Variants in C10orf90 observed in about 807,000 individuals in gnomAD.
C10orf90 encodes the protein chromosome 10 open reading frame 90, also known as (E2-independent) E3 ubiquitin-conjugating enzyme FATS.
A neutral mutation model predicts 62.5 loss-of-function variants in C10orf90; 56 were observed. That is an observed-to-expected ratio of 0.90 (90% CI 0.72 to 1.12). The LOEUF (loss-of-function observed/expected upper bound fraction) is 1.12. C10orf90 is among the 50% of genes most tolerant of loss of function. The probability of loss-of-function intolerance (pLI) is 0.00; values close to 1 mark genes in which losing one functional copy is unlikely to be tolerated. For missense variants in C10orf90, 970 were observed against 880.4 expected (o/e 1.10, Z -1.29); for synonymous variants, 386 against 340.4 (o/e 1.13, Z -1.47).
intron 4 of C10orf90, among the ~76,000 whole-genome samples, chr10:126,480,441 C>G (rs1173323276): frequency 1.1e-4 from 16 of 152,214 alleles, no homozygotes; most frequent in Admixed American, 1.0e-3. Context: ...TGGTTCAGGG[C>G]ACTTTTCCCA....
intron 2 of C10orf90, among the ~76,000 whole-genome samples, chr10:126,645,787 A>C (rs1221362265): frequency 6.6e-6 from 1 of 152,200 alleles, no homozygotes; most frequent in African/African-American, 2.4e-5. Flanking sequence ...GTGTGCGTAC[A>C]TGTATACATA....
At chr10:126,638,411 G>A (rs557922264) in intron 2 of C10orf90, among the ~76,000 whole-genome samples, 2 of 152,126 alleles carry the variant, frequency 1.3e-5, no homozygotes, top group African/African-American at 4.8e-5. Flanking sequence ...CCTCTTGCCT[G>A]GTTGGTGTCC....
chr10:126,556,464 A>T (rs1013771335), intron 2 of C10orf90, among the ~76,000 whole-genome samples: 3 of 152,180 alleles, frequency 2.0e-5, no homozygotes, highest in Admixed American at 1.3e-4. Context: ...TATATTACCA[A>T]CAGAAATTTT....
intron 2 of C10orf90, among the ~76,000 whole-genome samples, chr10:126,576,707 A>ATATG (rs1844625268): frequency 7.2e-5 from 3 of 41,404 alleles, no homozygotes; most frequent in East Asian, 4.9e-4. Flanking sequence ...ATGTATATGT[A>ATATG]TATATATACA....
chr10:126,613,512 C>T (rs1591144917), intron 2 of C10orf90, among the ~76,000 whole-genome samples: 1 of 152,204 alleles, frequency 6.6e-6, no homozygotes, highest in South Asian at 2.1e-4. Flanking sequence ...TCCCAAAGTG[C>T]TGGGATTACA....
intron 7 of C10orf90, among the ~76,000 whole-genome samples, chr10:126,446,003 G>A (rs937900343): frequency 2.0e-5 from 3 of 151,760 alleles, no homozygotes; most frequent in African/African-American, 4.8e-5. Flanking sequence ...GGGGTCTCAG[G>A]GGGAAGAATG....
At chr10:126,587,884 A>C (rs1844905132) in intron 2 of C10orf90, among the ~76,000 whole-genome samples, 1 of 152,200 alleles carries the variant, frequency 6.6e-6, no homozygotes. Flanking sequence ...GTTGAATTAC[A>C]ATTGTGAGCC....
chr10:126,476,393 T>TC (rs771532804), intron 4 of C10orf90, among the ~76,000 whole-genome samples: 33 of 152,270 alleles, frequency 2.2e-4, no homozygotes, highest in Admixed American at 7.2e-4. Context: ...TTGGAGACAG[T>TC]CCCTAGGGCC....
chr10:126,557,336 C>G (rs1864799366), intron 2 of C10orf90, among the ~76,000 whole-genome samples: 1 of 151,966 alleles, frequency 6.6e-6, no homozygotes. Flanking sequence ...AAAAAATTAG[C>G]TGGGTGTGGT....
chr10:126,648,174 T>A (rs1233034283), intron 1 of C10orf90, among the ~76,000 whole-genome samples: 1 of 152,064 alleles, frequency 6.6e-6, no homozygotes, highest in East Asian at 1.9e-4. Flanking sequence ...GTTTTTTTTT[T>A]AATCAGGAAC....
In C10orf90 at chr10:126,540,735, C is replaced by T. The variant is rs561015405; in HGVS notation, c.314-26796G>A. 9.3e-5 allele frequency among the ~76,000 whole-genome samples: 14 copies of T among 150,624 alleles called. No individual in the cohort carries two copies. In the South Asian group the frequency reaches 2.1e-3, roughly 23 times the overall value. On this transcript the variant is annotated intron_variant, in intron 2 of 9. Transcript: ENST00000488181. ...ACAATGAGAGAGGACTACTGCCATA[C>T]TGCATATCGAAACCTACACTAAGGC...
chr10:126,549,957 C>CT (rs1168153149), intron 2 of C10orf90, among the ~76,000 whole-genome samples: 7,822 of 117,356 alleles, frequency 0.067, 302 homozygotes, highest in African/African-American at 0.12. Flanking sequence ...GTAAAGCTTT[C>CT]TTTTTTTTTT....
At chr10:126,534,836 CA>C (rs763270520) in intron 2 of C10orf90, among the ~76,000 whole-genome samples, 15 of 152,194 alleles carry the variant, frequency 9.9e-5, no homozygotes, top group Non-Finnish European at 1.8e-4. Context: ...TGCTGCCTTT[CA>C]ACAGACCTGC....
At position 126,538,985 on chromosome 10, in the gene C10orf90, G is replaced by A. The variant is rs942241036; in HGVS notation, c.314-25046C>T. 5.3e-5 allele frequency among the ~76,000 whole-genome samples: 8 copies of A among 152,226 alleles called. No homozygotes were observed. The East Asian group carries it at 1.3e-3, about 26-fold the overall frequency. ...CCAGGAACTGGTCCTTGGCTGATGGGCAAGAGATTTCTGCTGCATAAAGCT... is the reference window on the plus strand; with the variant it reads ...CCAGGAACTGGTCCTTGGCTGATGGACAAGAGATTTCTGCTGCATAAAGCT... On this transcript the variant is annotated intron_variant, in intron 2 of 9. Coordinates refer to ENST00000488181, the MANE Select transcript of C10orf90 (RefSeq NM_001350921.2).
chr10:126,465,034 C>A (rs776138355), intron 4 of C10orf90, 48 bp from the exon 5 acceptor site: 17 of 1,570,598 alleles, frequency 1.1e-5, no homozygotes, highest in Non-Finnish European at 1.5e-5. Flanking sequence ...TGAATCCAAT[C>A]TAATGTACTG....
intron 2 of C10orf90, among the ~76,000 whole-genome samples, chr10:126,619,912 C>T (rs1006578590): frequency 1.3e-5 from 2 of 152,068 alleles, no homozygotes; most frequent in Admixed American, 6.6e-5. Flanking sequence ...AGATTGCAGG[C>T]GTGAACCACT....
intron 4 of C10orf90, among the ~76,000 whole-genome samples, chr10:126,488,968 A>C (rs985772525): frequency 6.6e-6 from 1 of 152,154 alleles, no homozygotes; most frequent in African/African-American, 2.4e-5. Flanking sequence ...CAGAAGAAAT[A>C]GTTCCAATCC....
At chr10:126,526,844 T>C (rs935870749) in intron 2 of C10orf90, among the ~76,000 whole-genome samples, 1 of 152,324 alleles carries the variant, frequency 6.6e-6, no homozygotes, top group East Asian at 1.9e-4. Flanking sequence ...TCTGGCTTCT[T>C]CTGCTTATCA....
At chr10:126,503,278 C>T (rs927915908) in intron 4 of C10orf90, among the ~76,000 whole-genome samples, 6 of 152,136 alleles carry the variant, frequency 3.9e-5, no homozygotes, top group South Asian at 2.1e-4. Flanking sequence ...GAATTCTTCC[C>T]GGCCCTGGAA....
Sources: allele counts gnomAD v4.1 joint callset (sites outside exome capture counted in the v4.1 genomes callset), GRCh38; gene constraint gnomAD v4.1.1; transcripts MANE v1.5; gene names NCBI Gene and HGNC (gene_info 2026-07-23, HGNC 2026-07-21).